ANLN: variants seen among roughly 807,000 people sequenced by gnomAD.
ANLN encodes anillin.
ANLN carries 59 observed loss-of-function variants against 135.1 expected under a neutral mutation model. The ratio of observed to expected loss-of-function variants is 0.44; its 90% CI spans 0.35 to 0.54. The LOEUF (loss-of-function observed/expected upper bound fraction) is 0.54, where lower values mean the gene tolerates loss of function less well. Ranked by LOEUF, ANLN falls within the 20% of genes least tolerant of loss-of-function variation. ANLN has a pLI of 0.00. For missense variants in ANLN, 1,182 were observed against 1,340.0 expected, an observed-to-expected ratio of 0.88 and a Z score of 1.84; for synonymous variants, 406 against 456.4, an observed-to-expected ratio of 0.89 and a Z score of 1.41.
chr7:36,438,245 G>A (rs536935178), intron 20 of ANLN, among the ~76,000 whole-genome samples: 7 of 152,228 alleles, frequency 4.6e-5, no homozygotes, highest in Non-Finnish European at 8.8e-5. Context: ...CTGCTCTTCC[G>A]CTTTAAATGG....
Position 36,425,717 on chromosome 7 carries a change from C to T in ANLN, c.2725C>T (p.Arg909Ter). The T allele has an allele frequency of 3.1e-6, 5 of 1,611,180 alleles. No individual in the cohort carries two copies. Among genetic ancestry groups the T allele is most frequent in the South Asian group, 1.1e-5 (1 of 90,888 alleles). ...TTTCTTTTAGGCTATTACTCCAAAG[C>T]GACTCCTCACATCTATAACCACAGT... ...TSKSKAITPK[R>*]LLTSITTKSN... The change falls in exon 18 of 24, where the codon CGA becomes TGA. Residue 909 changes from arginine to a stop codon, truncating the protein, a stop_gained. Coordinates refer to ENST00000265748, the MANE Select transcript of ANLN (RefSeq NM_018685.5). LOFTEE classifies it high-confidence loss of function.
intron 20 of ANLN, among the ~76,000 whole-genome samples, chr7:36,435,843 A>AGC (rs576901754): frequency 0.089 from 10,953 of 122,634 alleles, 570 homozygotes; most frequent in Admixed American, 0.17. Flanking sequence ...ACTGCACTCC[A>AGC]GCCTGGGCGA....
At chr7:36,396,509 C>T in intron 2 of ANLN, 90 bp downstream of exon 2, 1 of 1,317,488 alleles carries the variant, frequency 7.6e-7, no homozygotes, top group Non-Finnish European at 1.0e-6. Context: ...TATAGAAGAA[C>T]CAAGCTCTTT....
At chr7:36,390,171 G>A in intron 1 of ANLN, 127 bp downstream of exon 1, 6 of 1,534,584 alleles carry the variant, frequency 3.9e-6, no homozygotes, top group Non-Finnish European at 4.4e-6. Context: ...TGCGCAGTGT[G>A]TGCGGGCCGG....
chr7:36,418,116 G>A (rs538149413), intron 9 of ANLN, among the ~76,000 whole-genome samples: 6 of 152,278 alleles, frequency 3.9e-5, no homozygotes, highest in African/African-American at 1.2e-4. Flanking sequence ...TGAGGTATAC[G>A]GAAAGGGGCA....
At chr7:36,412,705 G>GA (rs1349719697) in intron 7 of ANLN, among the ~76,000 whole-genome samples, 1 of 152,064 alleles carries the variant, frequency 6.6e-6, no homozygotes, top group East Asian at 1.9e-4. Flanking sequence ...GTCATCATCA[G>GA]AAAAAATGCG....
chr7:36,403,121 AAATAT>A (rs1237661695), intron 3 of ANLN, among the ~76,000 whole-genome samples: 4 of 152,228 alleles, frequency 2.6e-5, no homozygotes, highest in Middle Eastern at 3.4e-3. Flanking sequence ...CTTTCTCAAA[AAATAT>A]AATATAATAT....
At chr7:36,415,933 T>C in intron 8 of ANLN, 49 bp downstream of exon 8, 2 of 1,416,760 alleles carry the variant, frequency 1.4e-6, no homozygotes, top group Non-Finnish European at 1.9e-6. Context: ...ACTCAAATGA[T>C]GTTTGTGTGT....
intron 7 of ANLN, among the ~76,000 whole-genome samples, chr7:36,415,394 T>C (rs1331208248): frequency 8.3e-6 from 1 of 121,204 alleles, no homozygotes. Flanking sequence ...TCACTTTGTT[T>C]TTTTATTGTT....
rs1787884177 is a variant in ANLN, at chr7:36,421,736, A to G, written c.2164-121A>G. On this transcript the variant is annotated intron_variant, in intron 12 of 23. Transcript: ENST00000265748. ...GAGAAACTTGAGCAGTGAAACTAAC[A>G]TTTTGACTTTCATCTGGAAATTCTA... The G allele has an allele frequency of 3.3e-6, 3 of 918,786 alleles. No homozygotes were observed. In the East Asian group the frequency reaches 8.4e-5, roughly 26 times the overall value. 56.9% of individuals were successfully genotyped at this position (918,786 alleles called of 1,614,324 possible). A position where few individuals can be genotyped will look rare whatever the true frequency, so the allele number is the denominator to read the frequency against.
chr7:36,420,822 C>G (rs1787846588), intron 12 of ANLN, 78 bp downstream of exon 12: 1 of 1,480,032 alleles, frequency 6.8e-7, no homozygotes, highest in South Asian at 1.2e-5. Context: ...AAGGGCCCAG[C>G]CTTACTTATC....
At position 36,443,765 on chromosome 7, in the gene ANLN, A is replaced by T. The variant is rs1390056091; in HGVS notation, c.2981A>T (p.Glu994Val). The T allele has an allele frequency of 6.2e-7, 1 of 1,610,522 alleles. No individual in the cohort carries two copies. Among genetic ancestry groups the T allele is most frequent in the Non-Finnish European group, 8.5e-7 (1 of 1,177,882 alleles). ...VEERGFLTIF[E>V]DVSGFGAWHR... is the part of the protein sequence containing the mutation. Reference sequence around the variant, plus strand: ...AACTGACTTTTCCAGACCATATTTGAAGATGTTAGTGGTTTTGGTGCCTGG... The same window carrying T: ...AACTGACTTTTCCAGACCATATTTGTAGATGTTAGTGGTTTTGGTGCCTGG... Residue 994 changes from glutamate to valine, a missense_variant, in exon 22 of 24, where the codon GAA becomes GTA. Transcript: ENST00000265748.
intron 7 of ANLN, 51 bp from the exon 8 acceptor site, chr7:36,415,707 A>T (rs200874435): frequency 4.7e-6 from 7 of 1,503,448 alleles, no homozygotes; most frequent in Non-Finnish European, 6.2e-6. Context: ...ATAGAAAGAT[A>T]AAATATATAG....
In ANLN at chr7:36,399,143, T is replaced by C. The variant is rs753628688; in HGVS notation, c.237T>C (p.Val79=). The C allele has an allele frequency of 5.0e-6, 8 of 1,614,032 alleles. No individual in the cohort carries two copies. The South Asian group carries it at 8.8e-5, about 18-fold the overall frequency. ...GTTCTGACAACACTGAAGTAGAAGT[T>C]TCTAACTTGGAAAATAAACAACCAG... The part of the protein sequence containing the change: ...KRCSDNTEVE[V]SNLENKQPVE... Residue 79 remains valine, a synonymous_variant, in exon 3 of 24, where the codon GTT becomes GTC. Coordinates refer to ENST00000265748, the MANE Select transcript of ANLN (RefSeq NM_018685.5).
chr7:36,426,100 TAC>T, intron 19 of ANLN, 64 bp downstream of exon 19: 1 of 1,158,712 alleles, frequency 8.6e-7, no homozygotes, highest in Non-Finnish European at 1.2e-6. Flanking sequence ...CTTGCATATT[TAC>T]ATATATATAG....
At position 36,426,943 on chromosome 7, in the gene ANLN, C is replaced by T; in HGVS notation, c.2798C>T (p.Ala933Val). The T allele has an allele frequency of 2.5e-6, 4 of 1,611,608 alleles. No individual in the cohort carries two copies. The highest frequency in any genetic ancestry group is 3.4e-6 in the Non-Finnish European group (4 of 1,179,132). The stretch of plus-strand genomic sequence containing the variant: ...ATGGCCAGTCCAGGAGGTCTTAGTG[C>T]TGTGCGAACCAGCAACTTCGCCCTT... The part of the protein sequence containing the change: ...SVMASPGGLS[A>V]VRTSNFALVG... The change falls in exon 20 of 24, where the codon GCT becomes GTT. Residue 933 changes from alanine (A) to valine (V), a missense_variant. This residue lies in a region of ANLN where 1,022 missense variants were observed against 1,134.0 expected (regional missense o/e 0.90). Coordinates refer to ENST00000265748, the MANE Select transcript of ANLN (RefSeq NM_018685.5).
intron 8 of ANLN, 71 bp from the exon 9 acceptor site, chr7:36,417,009 C>T: frequency 2.6e-6 from 2 of 782,816 alleles, no homozygotes; most frequent in Non-Finnish European, 3.9e-6. Flanking sequence ...AAAAAACACA[C>T]ACAAGATTCC....
chr7:36,420,784 G>A, intron 12 of ANLN, 40 bp downstream of exon 12: 9 of 1,606,072 alleles, frequency 5.6e-6, no homozygotes, highest in Non-Finnish European at 7.7e-6. Flanking sequence ...AATGTTTCTT[G>A]CACTAGGCTG....
intron 20 of ANLN, among the ~76,000 whole-genome samples, chr7:36,432,779 T>G (rs1788386292): frequency 6.6e-6 from 1 of 152,222 alleles, no homozygotes; most frequent in African/African-American, 2.4e-5. Context: ...ACTTACCTGT[T>G]TTTGTTTTTG....
Sources: allele counts gnomAD v4.1 joint callset (sites outside exome capture counted in the v4.1 genomes callset), GRCh38; gene constraint gnomAD v4.1.1; regional missense constraint gnomAD v4.1.1; transcripts MANE v1.5; gene names NCBI Gene and HGNC (gene_info 2026-07-23, HGNC 2026-07-21).